The following ARHGAP6 variants were observed in gnomAD, a reference collection of about 807,000 sequenced individuals.
The protein encoded by ARHGAP6 is rho GTPase-activating protein 6.
ARHGAP6 carries 16 observed loss-of-function variants against 55.7 expected under a neutral mutation model. That is an observed-to-expected ratio of 0.29 (90% CI 0.19 to 0.44). The LOEUF (loss-of-function observed/expected upper bound fraction) is 0.44, where lower values mean the gene tolerates loss of function less well. Among genes scored for constraint, ARHGAP6 ranks in the 20% least tolerant of loss-of-function variants. The probability of loss-of-function intolerance (pLI) is 1.00; values close to 1 mark genes in which losing one functional copy is unlikely to be tolerated. For missense variants in ARHGAP6, 698 were observed against 808.9 expected, an observed-to-expected ratio of 0.86 and a Z score of 1.66; for synonymous variants, 382 against 360.9, an observed-to-expected ratio of 1.06 and a Z score of -0.66.
chrX:11,175,595 G>A (rs900824926), intron 8 of ARHGAP6, among the ~76,000 whole-genome samples: 1 of 111,869 alleles, frequency 8.9e-6, no homozygotes, highest in Non-Finnish European at 1.9e-5. Flanking sequence ...CACATGGTCA[G>A]TGAATTAAAG....
At chrX:11,613,852 G>A (rs1316911356) in intron 1 of ARHGAP6, among the ~76,000 whole-genome samples, 1 of 112,083 alleles carries the variant, frequency 8.9e-6, no homozygotes, top group Non-Finnish European at 1.9e-5. Flanking sequence ...ACAGGTTCCT[G>A]GAAGAGTTAC....
chrX:11,358,041 C>T (rs1486462829), intron 1 of ARHGAP6, among the ~76,000 whole-genome samples: 1 of 111,684 alleles, frequency 9.0e-6, no homozygotes, highest in Non-Finnish European at 1.9e-5. Flanking sequence ...AGTTACTCCT[C>T]ACATCCCTCT....
rs192708703 is a variant in ARHGAP6 at position 11,294,236 on chromosome X, A to G, written c.589-39529T>C. On this transcript the variant is annotated intron_variant, in intron 1 of 12. Coordinates refer to ENST00000337414, the MANE Select transcript of ARHGAP6 (RefSeq NM_013427.3). ...GATGTTACTGGAGGGTCTTGCCTGA[A>G]GTTCTGTAGATAGGAATTTCTGGAA... 3.8e-3 allele frequency among the ~76,000 whole-genome samples: 421 copies of G among 111,136 alleles called. 1 individual carries two copies. The highest frequency in any genetic ancestry group is 0.011 in the South Asian group (29 of 2,620).
In ARHGAP6 at chrX:11,174,091, C is replaced by A. The variant is rs766987821; in HGVS notation, c.1629+4009G>T. Among the ~76,000 whole-genome samples, 6 of 112,100 alleles carry A rather than the reference C, an allele frequency of 5.4e-5. 1 individual carries two copies. The highest frequency in any genetic ancestry group is 9.4e-3 in the Middle Eastern group (2 of 212). ...TACTCCAGTCTGCCCATTCCATATT[C>A]TCTACCTGCTCATGCCAAATCAACT... On this transcript the variant is annotated intron_variant, in intron 8 of 12. Transcript: ENST00000337414.
intron 1 of ARHGAP6, among the ~76,000 whole-genome samples, chrX:11,339,179 G>A (rs1474612168): frequency 1.8e-5 from 2 of 112,414 alleles, no homozygotes; most frequent in Non-Finnish European, 3.8e-5. Flanking sequence ...CTGAAGGAAT[G>A]TGAATTGCCT....
intron 1 of ARHGAP6, among the ~76,000 whole-genome samples, chrX:11,579,562 C>T (rs1183415955): frequency 5.4e-5 from 6 of 112,025 alleles, no homozygotes; most frequent in Non-Finnish European, 1.1e-4. Flanking sequence ...TATCAATAAA[C>T]CAATTTCCCA....
intron 1 of ARHGAP6, among the ~76,000 whole-genome samples, chrX:11,539,841 T>C (rs182514455): frequency 2.9e-4 from 33 of 112,072 alleles, no homozygotes; most frequent in Admixed American, 1.0e-3. Context: ...ACAGCTCTTT[T>C]GAACCTATTT....
intron 1 of ARHGAP6, among the ~76,000 whole-genome samples, chrX:11,623,738 T>C: frequency 9.5e-6 from 1 of 105,369 alleles, no homozygotes; most frequent in Middle Eastern, 4.3e-3. Flanking sequence ...ATAAAAGACA[T>C]AAAATATTGG....
At chrX:11,383,331 T>C (rs1022640527) in intron 1 of ARHGAP6, among the ~76,000 whole-genome samples, 2 of 111,413 alleles carry the variant, frequency 1.8e-5, no homozygotes, top group Non-Finnish European at 3.8e-5. Flanking sequence ...AGGGAAATCC[T>C]TTGATAGTAA....
chrX:11,601,398 AG>A (rs1395130467), intron 1 of ARHGAP6, among the ~76,000 whole-genome samples: 1 of 111,324 alleles, frequency 9.0e-6, no homozygotes, highest in Non-Finnish European at 1.9e-5. Context: ...GAATGGTGGG[AG>A]GGTAAAGAAT....
chrX:11,570,592 G>T (rs1431172826), intron 1 of ARHGAP6, among the ~76,000 whole-genome samples: 1 of 110,407 alleles, frequency 9.1e-6, no homozygotes, highest in African/African-American at 3.3e-5. Flanking sequence ...CCCCACTTAT[G>T]GTACAGAAAC....
At chrX:11,498,924 T>C (rs1477538148) in intron 1 of ARHGAP6, among the ~76,000 whole-genome samples, 2 of 111,814 alleles carry the variant, frequency 1.8e-5, no homozygotes. Flanking sequence ...TTATTTGACA[T>C]ATAATTGTAC....
At chrX:11,326,420 G>A (rs765780849) in intron 1 of ARHGAP6, among the ~76,000 whole-genome samples, 1 of 110,954 alleles carries the variant, frequency 9.0e-6, no homozygotes, top group Non-Finnish European at 1.9e-5. Flanking sequence ...GAGCCATCGC[G>A]CCCAGCTGGG....
At chrX:11,310,254 T>C (rs1413484242) in intron 1 of ARHGAP6, among the ~76,000 whole-genome samples, 4 of 102,330 alleles carry the variant, frequency 3.9e-5, no homozygotes, top group Admixed American at 1.1e-4. Context: ...AACCCTTACA[T>C]AGTGCTGGTG....
At chrX:11,418,382 C>G (rs187018378) in intron 1 of ARHGAP6, among the ~76,000 whole-genome samples, 36 of 111,761 alleles carry the variant, frequency 3.2e-4, no homozygotes, top group Admixed American at 1.8e-3. Flanking sequence ...GCCTTTCAGT[C>G]AAGCACAGGT....
chrX:11,254,508 C>T, intron 2 of ARHGAP6, 40 bp downstream of exon 2: 1 of 1,191,522 alleles, frequency 8.4e-7, no homozygotes, highest in South Asian at 1.9e-5. Flanking sequence ...CAATATTTGA[C>T]TTGCAGTGTT....
chrX:11,638,175 G>T (rs1300242386), intron 1 of ARHGAP6, among the ~76,000 whole-genome samples: 5 of 111,357 alleles, frequency 4.5e-5, no homozygotes, highest in African/African-American at 1.6e-4. Context: ...CAGGGATTTA[G>T]CATCTAGGAA....
intron 1 of ARHGAP6, among the ~76,000 whole-genome samples, chrX:11,587,961 C>A (rs938221203): frequency 4.5e-5 from 5 of 112,156 alleles, no homozygotes; most frequent in East Asian, 2.8e-4. Context: ...ATATATTTAA[C>A]CCCTCTGCGT....
chrX:11,544,790 A>G (rs2051195659), intron 1 of ARHGAP6, among the ~76,000 whole-genome samples: 1 of 112,296 alleles, frequency 8.9e-6, no homozygotes, highest in Non-Finnish European at 1.9e-5. Flanking sequence ...TGCAGTGGTA[A>G]GAAGATCAAA....
Sources: allele counts gnomAD v4.1 joint callset (sites outside exome capture counted in the v4.1 genomes callset), GRCh38; gene constraint gnomAD v4.1.1; transcripts MANE v1.5; gene names NCBI Gene and HGNC (gene_info 2026-07-23, HGNC 2026-07-21).